Variants in ZNG1E observed in about 807,000 individuals in gnomAD.
ZNG1E encodes the protein Zn regulated GTPase metalloprotein activator 1E.
chr9:65,662,752 AT>A, the ZNG1E span, among the ~76,000 whole-genome samples: 1 of 151,716 alleles, frequency 6.6e-6, no homozygotes, highest in Non-Finnish European at 1.5e-5. Context: ...AGCATTTTCT[AT>A]TTTCTTTTCC....
At chr9:65,663,705 AT>A in the ZNG1E span, among the ~76,000 whole-genome samples, 1 of 151,840 alleles carries the variant, frequency 6.6e-6, no homozygotes, top group Non-Finnish European at 1.5e-5. Flanking sequence ...TTCAAAAGGT[AT>A]ACGCAATCAG....
chr9:65,691,736 C>T, the ZNG1E span, among the ~76,000 whole-genome samples: 1 of 151,992 alleles, frequency 6.6e-6, no homozygotes, highest in Non-Finnish European at 1.5e-5. Flanking sequence ...TTAAACACTC[C>T]TCCCTTACTT....
chr9:65,678,891 TTGTG>T, the ZNG1E span, among the ~76,000 whole-genome samples: 2 of 141,176 alleles, frequency 1.4e-5, no homozygotes, highest in Non-Finnish European at 3.0e-5. Context: ...AAATAAAAGA[TTGTG>T]TGTCAATTTT....
chr9:65,668,535 A>G, the ZNG1E span, among the ~76,000 whole-genome samples: 21 of 150,782 alleles, frequency 1.4e-4, no homozygotes, highest in African/African-American at 2.4e-4. Flanking sequence ...GTGTGTGTAT[A>G]TATATTTTAA....
At chr9:65,717,758 G>A in the ZNG1E span, among the ~76,000 whole-genome samples, 1 of 147,830 alleles carries the variant, frequency 6.8e-6, no homozygotes, top group African/African-American at 2.6e-5. Flanking sequence ...TGCGATGTCA[G>A]CTCCCTATAG....
the ZNG1E span, chr9:65,720,006 T>G: frequency 6.2e-7 from 1 of 1,600,258 alleles, no homozygotes; most frequent in Non-Finnish European, 8.5e-7. Context: ...ATCAGAAGTG[T>G]ATTAATCTCT....
the ZNG1E span, chr9:65,690,895 T>G: frequency 6.4e-7 from 1 of 1,568,372 alleles, no homozygotes; most frequent in African/African-American, 1.4e-5. Context: ...CAGGGCAAAT[T>G]AAAACATGGA....
chr9:65,678,635 G>A, the ZNG1E span, among the ~76,000 whole-genome samples: 1 of 140,662 alleles, frequency 7.1e-6, no homozygotes, highest in Non-Finnish European at 1.5e-5. Context: ...ATTTTAGTGT[G>A]TACGGTTCAC....
At chr9:65,701,399 T>TA in the ZNG1E span, 3 of 151,810 alleles carry the variant, frequency 2.0e-5, no homozygotes, top group Non-Finnish European at 4.4e-5. Context: ...AACTTTACTA[T>TA]AAAAAAATAT....
At chr9:65,662,170 A>G in the ZNG1E span, among the ~76,000 whole-genome samples, 11 of 152,348 alleles carry the variant, frequency 7.2e-5, no homozygotes, top group African/African-American at 2.2e-4. Context: ...TGCCAAAAAT[A>G]TAAAACCTGA....
chr9:65,661,502 G>T, the ZNG1E span, among the ~76,000 whole-genome samples: 1 of 152,340 alleles, frequency 6.6e-6, no homozygotes, highest in Non-Finnish European at 1.5e-5. Context: ...GGATAATTTA[G>T]GTTCTGCTAA....
At chr9:65,720,213 A>C in the ZNG1E span, 1 of 753,566 alleles carries the variant, frequency 1.3e-6, no homozygotes, top group South Asian at 1.9e-5. Flanking sequence ...GTATTTTTGA[A>C]CTGTGTTGAT....
At chr9:65,730,287 T>TTC in the ZNG1E span, among the ~76,000 whole-genome samples, 1 of 146,798 alleles carries the variant, frequency 6.8e-6, no homozygotes, top group Admixed American at 6.9e-5. Flanking sequence ...CATCGCTGTG[T>TTC]TCTCACTCAT....
the ZNG1E span, among the ~76,000 whole-genome samples, chr9:65,680,879 C>T: frequency 3.9e-5 from 6 of 152,074 alleles, no homozygotes; most frequent in Admixed American, 6.6e-5. Flanking sequence ...ACCTCCGCCT[C>T]CCGGGTTCAC....
At chr9:65,714,936 C>G in the ZNG1E span, among the ~76,000 whole-genome samples, 1 of 151,482 alleles carries the variant, frequency 6.6e-6, no homozygotes, top group African/African-American at 2.4e-5. Context: ...CCAGTTGGAG[C>G]TTCCTGGCTG....
At chr9:65,728,495 AAG>A in the ZNG1E span, among the ~76,000 whole-genome samples, 15 of 148,988 alleles carry the variant, frequency 1.0e-4, 1 homozygote, top group African/African-American at 3.3e-4. Context: ...TAGCCAAGAA[AAG>A]AGAGAAAATC....
the ZNG1E span, among the ~76,000 whole-genome samples, chr9:65,723,477 CT>C: frequency 1.5e-5 from 2 of 133,886 alleles, no homozygotes; most frequent in African/African-American, 6.0e-5. Flanking sequence ...CTAGAGAAAC[CT>C]AGAAATAGAA....
At chr9:65,658,373 C>T in the ZNG1E span, among the ~76,000 whole-genome samples, 2 of 151,606 alleles carry the variant, frequency 1.3e-5, no homozygotes, top group African/African-American at 2.4e-5. Context: ...TTGAGCCAAT[C>T]TCCCAGTAAG....
the ZNG1E span, among the ~76,000 whole-genome samples, chr9:65,667,026 G>T: frequency 3.3e-5 from 5 of 150,984 alleles, no homozygotes; most frequent in Non-Finnish European, 7.4e-5. Context: ...TCACCATGTC[G>T]GTCAGGCTGT....
Sources: allele counts gnomAD v4.1 joint callset (sites outside exome capture counted in the v4.1 genomes callset), GRCh38; gene constraint gnomAD v4.1.1; transcripts MANE v1.5; gene names NCBI Gene and HGNC (gene_info 2026-07-23, HGNC 2026-07-21).